The following PEBP4 variants were observed in gnomAD, a reference collection of about 807,000 sequenced individuals.
PEBP4 encodes the protein phosphatidylethanolamine-binding protein 4.
PEBP4 carries 22 observed loss-of-function variants against 23.9 expected under a neutral mutation model. The ratio of observed to expected loss-of-function variants is 0.92; its 90% CI spans 0.66 to 1.31. PEBP4 has a LOEUF of 1.31. Among genes scored for constraint, PEBP4 ranks in the 40% most tolerant of loss-of-function variants. PEBP4 has a pLI of 0.00. For missense variants in PEBP4, 324 were observed against 281.7 expected, an observed-to-expected ratio of 1.15 and a Z score of -1.07; for synonymous variants, 112 against 99.3, an observed-to-expected ratio of 1.13 and a Z score of -0.76.
At chr8:22,925,150 A>T (rs77846676) in intron 2 of PEBP4, 99,716 of 985,318 alleles carry the variant, frequency 0.1, 5,154 homozygotes, top group Non-Finnish European at 0.11. Flanking sequence ...GCTCTCTTCC[A>T]AACAAAAATC....
intron 6 of PEBP4, among the ~76,000 whole-genome samples, chr8:22,722,907 G>A (rs1804547377): frequency 6.6e-6 from 1 of 151,532 alleles, no homozygotes. Context: ...GGAGTAGCTG[G>A]GACTATAGGC....
chr8:22,881,205 T>G (rs554795804), intron 3 of PEBP4, among the ~76,000 whole-genome samples: 67 of 152,352 alleles, frequency 4.4e-4, no homozygotes, highest in African/African-American at 1.6e-3. Flanking sequence ...TGCCCCAGTT[T>G]CTGGACTCTC....
intron 3 of PEBP4, among the ~76,000 whole-genome samples, chr8:22,841,617 A>C (rs1191186343): frequency 1.3e-5 from 2 of 152,250 alleles, no homozygotes; most frequent in Non-Finnish European, 2.9e-5. Flanking sequence ...GGCCCTCTGC[A>C]TGTGCAAATG....
At chr8:22,750,760 A>G (rs554719689) in intron 4 of PEBP4, among the ~76,000 whole-genome samples, 19 of 152,306 alleles carry the variant, frequency 1.2e-4, no homozygotes, top group Admixed American at 6.5e-4. Flanking sequence ...CCCTCTCGGA[A>G]CTAAGACCTG....
chr8:22,918,535 T>G (rs1809127770), intron 3 of PEBP4, among the ~76,000 whole-genome samples: 1 of 152,156 alleles, frequency 6.6e-6, no homozygotes, highest in Admixed American at 6.6e-5. Context: ...AAATCCCTGC[T>G]CTGGAGGACA....
chr8:22,770,596 A>G (rs1192856745), intron 4 of PEBP4, among the ~76,000 whole-genome samples: 1 of 152,166 alleles, frequency 6.6e-6, no homozygotes, highest in African/African-American at 2.4e-5. Context: ...CCTCCAGGTT[A>G]TTCATTGTGA....
In PEBP4 at chr8:22,796,220, T is replaced by C. The variant is rs1032067860; in HGVS notation, c.357+21417A>G. ...TACAAATATCAGACTCTTGAACCTA[T>C]AGATTTGCCCAGTTTTCTCAGCAAT... On this transcript the variant is annotated intron_variant, in intron 4 of 6. Transcript: ENST00000256404. Among the ~76,000 whole-genome samples the C allele has an allele frequency of 5.9e-5, 9 of 152,230 alleles. No homozygotes were observed. In the South Asian group the frequency reaches 1.2e-3, roughly 21 times the overall value.
intron 4 of PEBP4, among the ~76,000 whole-genome samples, chr8:22,768,261 T>C (rs1270640470): frequency 1.3e-5 from 2 of 152,176 alleles, no homozygotes; most frequent in East Asian, 3.9e-4. Flanking sequence ...CCCTGGTAGA[T>C]GCCTCTTTGG....
chr8:22,774,593 G>T (rs1030762226), intron 4 of PEBP4, among the ~76,000 whole-genome samples: 11 of 152,186 alleles, frequency 7.2e-5, no homozygotes, highest in African/African-American at 4.8e-5. Context: ...AATCACCGAT[G>T]GGGGGTAGGG....
At chr8:22,797,701 C>T (rs113061342) in intron 4 of PEBP4, among the ~76,000 whole-genome samples, 5 of 152,180 alleles carry the variant, frequency 3.3e-5, no homozygotes, top group Admixed American at 1.3e-4. Context: ...CTGAAGGAAC[C>T]GGGGGAAGAG....
intron 4 of PEBP4, among the ~76,000 whole-genome samples, chr8:22,792,228 C>A (rs1806154447): frequency 6.6e-6 from 1 of 152,078 alleles, no homozygotes; most frequent in Non-Finnish European, 1.5e-5. Flanking sequence ...AGGGAGCTGG[C>A]TAGGTCAATA....
At chr8:22,826,208 T>C (rs573829328) in intron 3 of PEBP4, among the ~76,000 whole-genome samples, 1 of 152,234 alleles carries the variant, frequency 6.6e-6, no homozygotes, top group African/African-American at 2.4e-5. Context: ...TAAGATAAAA[T>C]AAAAATAAAC....
chr8:22,910,084 G>A (rs2128778629), intron 3 of PEBP4, among the ~76,000 whole-genome samples: 1 of 152,312 alleles, frequency 6.6e-6, no homozygotes. Context: ...TGCCAGGTTG[G>A]GAGCCAGCCC....
At chr8:22,932,305 AG>A (rs35814744), upstream of PEBP4, among the ~76,000 whole-genome samples, 66,044 of 152,026 alleles carry the variant, frequency 0.43, 15,648 homozygotes, top group African/African-American at 0.63. Flanking sequence ...TTTCTTTTAA[AG>A]GTGATGAAAA....
upstream of PEBP4, among the ~76,000 whole-genome samples, chr8:22,932,536 C>G (rs1009905108): frequency 3.3e-4 from 51 of 152,254 alleles, no homozygotes; most frequent in African/African-American, 1.2e-3. Context: ...TACACACACA[C>G]ACACACCCCC....
At chr8:22,903,408 TA>T in intron 3 of PEBP4, among the ~76,000 whole-genome samples, 1 of 152,084 alleles carries the variant, frequency 6.6e-6, no homozygotes, top group Non-Finnish European at 1.5e-5. Flanking sequence ...GTGTGCCAAA[TA>T]AAACAAAATA....
At chr8:22,730,621 G>T (rs1427973197) in intron 4 of PEBP4, among the ~76,000 whole-genome samples, 2 of 152,298 alleles carry the variant, frequency 1.3e-5, no homozygotes, top group African/African-American at 2.4e-5. Context: ...TGAGATTCAA[G>T]GAAGTTTCAG....
intron 4 of PEBP4, among the ~76,000 whole-genome samples, chr8:22,749,265 C>T (rs1805194102): frequency 6.6e-6 from 1 of 152,204 alleles, no homozygotes; most frequent in Admixed American, 6.5e-5. Context: ...TCCCATAATA[C>T]AATGATTGGG....
intron 2 of PEBP4, among the ~76,000 whole-genome samples, chr8:22,927,185 C>T (rs1809357761): frequency 6.6e-6 from 1 of 152,092 alleles, no homozygotes. Flanking sequence ...AATCATACAC[C>T]TTCTTTCATT....
Sources: allele counts gnomAD v4.1 joint callset (sites outside exome capture counted in the v4.1 genomes callset), GRCh38; gene constraint gnomAD v4.1.1; transcripts MANE v1.5; gene names NCBI Gene and HGNC (gene_info 2026-07-23, HGNC 2026-07-21).